Variants in NYAP2 observed in about 807,000 individuals in gnomAD.
The protein encoded by NYAP2 is neuronal tyrosine-phosphorylated phosphoinositide-3-kinase adapter 2.
NYAP2 carries 23 observed loss-of-function variants against 50.4 expected under a neutral mutation model. The ratio of observed to expected loss-of-function variants is 0.46; its 90% CI spans 0.33 to 0.65. The LOEUF is 0.65. Among genes scored for constraint, NYAP2 ranks in the 30% least tolerant of loss-of-function variants. The probability of loss-of-function intolerance (pLI) is 0.02; values close to 1 mark genes in which losing one functional copy is unlikely to be tolerated. For synonymous variants in NYAP2, 394 were observed against 365.2 expected, an observed-to-expected ratio of 1.08 and a Z score of -0.90; for missense variants, 885 against 861.0, an observed-to-expected ratio of 1.03 and a Z score of -0.35.
At chr2:225,636,539 G>A (rs1236628287) in intron 6 of NYAP2, among the ~76,000 whole-genome samples, 2 of 150,334 alleles carry the variant, frequency 1.3e-5, no homozygotes, top group East Asian at 3.9e-4. Context: ...GTACATTACT[G>A]GGTATATACC....
At chr2:225,498,263 T>TA (rs1307095892) in intron 3 of NYAP2, among the ~76,000 whole-genome samples, 1 of 152,072 alleles carries the variant, frequency 6.6e-6, no homozygotes, top group Non-Finnish European at 1.5e-5. Context: ...ATAGTGACAA[T>TA]ATGAAGGAAG....
At chr2:225,479,372 G>C (rs919076713) in intron 3 of NYAP2, among the ~76,000 whole-genome samples, 1 of 152,130 alleles carries the variant, frequency 6.6e-6, no homozygotes, top group Non-Finnish European at 1.5e-5. Context: ...CAGTGAATTA[G>C]ATTATGCCAA....
intron 4 of NYAP2, among the ~76,000 whole-genome samples, chr2:225,549,674 A>T (rs988071271): frequency 6.6e-6 from 1 of 152,178 alleles, no homozygotes; most frequent in African/African-American, 2.4e-5. Context: ...GAGAAAATGC[A>T]GTAGATGAGA....
At chr2:225,536,297 G>A (rs772652320) in intron 4 of NYAP2, among the ~76,000 whole-genome samples, 11 of 152,270 alleles carry the variant, frequency 7.2e-5, no homozygotes, top group Middle Eastern at 6.8e-3. Flanking sequence ...CTCAGCCTAT[G>A]CCATTCCCTC....
At chr2:225,676,855 G>A in the NYAP2 span, among the ~76,000 whole-genome samples, 4 of 152,090 alleles carry the variant, frequency 2.6e-5, no homozygotes, top group African/African-American at 7.2e-5. Flanking sequence ...TACCTCTAGC[G>A]TTATTCTTTT....
In NYAP2 at chr2:225,502,865, C is replaced by G. The variant is rs371358167; in HGVS notation, c.222-10506C>G. Among the ~76,000 whole-genome samples, 27 of 152,170 alleles carry G rather than the reference C, an allele frequency of 1.8e-4. 2 individuals carry two copies. The highest frequency in any genetic ancestry group is 1.6e-3 in the Admixed American group (24 of 15,274). On this transcript the variant is annotated intron_variant, in intron 3 of 6. Transcript: ENST00000636099. The stretch of plus-strand genomic sequence containing the variant: ...TCAAGAGCCAGTGACTTTCTGAGGA[C>G]CCTGACCACTCTGTTCTGTTCACTG...
In NYAP2 at chr2:225,432,172, T is replaced by G. The variant is rs568163465; in HGVS notation, c.221+23071T>G. On this transcript the variant is annotated intron_variant, in intron 3 of 6. Transcript: ENST00000636099. Reference sequence around the variant, plus strand: ...TTTTTTTTTTTTTTTTTTTTTGGTATTTTTAGGAGAGACGGGGTTTCAACC... The same window carrying G: ...TTTTTTTTTTTTTTTTTTTTTGGTAGTTTTAGGAGAGACGGGGTTTCAACC... Among the ~76,000 whole-genome samples, 513 of 147,526 alleles carry G rather than the reference T, an allele frequency of 3.5e-3. 8 individuals are homozygous for G. Among genetic ancestry groups the G allele is most frequent in the Non-Finnish European group, 1.9e-3 (127 of 67,176 alleles).
chr2:225,666,452 T>C, the NYAP2 span, among the ~76,000 whole-genome samples: 1 of 152,156 alleles, frequency 6.6e-6, no homozygotes, highest in Non-Finnish European at 1.5e-5. Flanking sequence ...TTATACATTT[T>C]AGGGAGGCAT....
intron 6 of NYAP2, among the ~76,000 whole-genome samples, chr2:225,643,785 A>C (rs1471067035): frequency 2.9e-4 from 44 of 151,838 alleles, no homozygotes; most frequent in Non-Finnish European, 4.6e-4. Flanking sequence ...ATCATTTTTT[A>C]TGGCTGCATA....
At chr2:225,605,325 G>T (rs897628661) in intron 5 of NYAP2, among the ~76,000 whole-genome samples, 1 of 152,080 alleles carries the variant, frequency 6.6e-6, no homozygotes, top group Non-Finnish European at 1.5e-5. Context: ...AAAATTAAAA[G>T]TGGGAACTCT....
At chr2:225,471,977 T>C (rs764885068) in intron 3 of NYAP2, among the ~76,000 whole-genome samples, 47 of 83,288 alleles carry the variant, frequency 5.6e-4, no homozygotes, top group Non-Finnish European at 1.0e-3. Context: ...TGAGTACTTA[T>C]TATATTCCCT....
At chr2:225,487,431 C>T (rs923282094) in intron 3 of NYAP2, among the ~76,000 whole-genome samples, 18 of 152,034 alleles carry the variant, frequency 1.2e-4, no homozygotes, top group African/African-American at 3.9e-4. Context: ...ACAATCTTGG[C>T]TCACTGCAAC....
the NYAP2 span, among the ~76,000 whole-genome samples, chr2:225,673,050 G>A: frequency 1.3e-5 from 2 of 151,818 alleles, no homozygotes; most frequent in African/African-American, 2.4e-5. Flanking sequence ...TTACAGTTCC[G>A]CATGGCTGAG....
intron 3 of NYAP2, among the ~76,000 whole-genome samples, chr2:225,421,587 G>T (rs558731656): frequency 6.6e-6 from 1 of 152,158 alleles, no homozygotes; most frequent in Non-Finnish European, 1.5e-5. Flanking sequence ...ATACCAGGTT[G>T]GAAATTACAT....
chr2:225,674,625 C>A, the NYAP2 span, among the ~76,000 whole-genome samples: 5 of 152,058 alleles, frequency 3.3e-5, no homozygotes, highest in Non-Finnish European at 5.9e-5. Context: ...ATGACCATGA[C>A]CCCCGACATG....
upstream of NYAP2, among the ~76,000 whole-genome samples, chr2:225,399,511 T>C (rs1443606104): frequency 6.6e-5 from 10 of 152,074 alleles, no homozygotes; most frequent in Non-Finnish European, 1.5e-4. Flanking sequence ...ATATCATAAT[T>C]ATTTTGCATC....
chr2:225,529,012 G>A (rs181732431), intron 4 of NYAP2, among the ~76,000 whole-genome samples: 1 of 152,296 alleles, frequency 6.6e-6, no homozygotes, highest in Admixed American at 6.5e-5. Context: ...CTCTGTTTTT[G>A]TCTGGCCTCA....
chr2:225,596,975 T>C (rs755404379), intron 5 of NYAP2, among the ~76,000 whole-genome samples: 3 of 152,200 alleles, frequency 2.0e-5, no homozygotes, highest in Non-Finnish European at 4.4e-5. Flanking sequence ...CATTTTCATA[T>C]CTTTGTTTTA....
chr2:225,451,522 T>C (rs1689652296), intron 3 of NYAP2, among the ~76,000 whole-genome samples: 1 of 152,140 alleles, frequency 6.6e-6, no homozygotes, highest in Admixed American at 6.5e-5. Flanking sequence ...GATGAATGCA[T>C]TTACCAGACC....
Sources: gnomAD v4.1 joint callset for allele counts (sites outside exome capture counted in the v4.1 genomes callset) on GRCh38, gnomAD v4.1.1 for gene constraint, MANE v1.5 for transcripts, NCBI Gene and HGNC (gene_info 2026-07-23, HGNC 2026-07-21) for gene names.